NBEA: variants seen among roughly 807,000 people sequenced by gnomAD.
NBEA encodes the protein lysosomal-trafficking regulator 2.
In NBEA, 44 loss-of-function variants were observed where a neutral mutation model predicts 343.4. The ratio of observed to expected loss-of-function variants is 0.13; its 90% CI spans 0.10 to 0.16. The LOEUF is 0.16. Ranked by LOEUF, NBEA falls within the 10% of genes least tolerant of loss-of-function variation. The probability of loss-of-function intolerance (pLI) is 1.00; values close to 1 mark genes in which losing one functional copy is unlikely to be tolerated. For synonymous variants in NBEA, 1,175 were observed against 1,238.7 expected (o/e 0.95, Z 1.08); for missense variants, 2,555 against 3,631.3 (o/e 0.70, Z 7.62).
At position 35,431,774 on chromosome 13, in the gene NBEA, A is replaced by G. The variant is rs192870328; in HGVS notation, c.6180-495A>G. ...ATGAATATTTCAGCACATTATTTTA[A>G]TCATTTTTCCACCAAATCCAAGTGG... On this transcript the variant is annotated intron_variant, in intron 38 of 58. Coordinates refer to ENST00000379939, the MANE Select transcript of NBEA (RefSeq NM_001385012.1). Among the ~76,000 whole-genome samples the G allele has an allele frequency of 2.6e-5, 4 of 152,272 alleles. No individual in the cohort carries two copies. The East Asian group carries it at 7.7e-4, about 29-fold the overall frequency.
At chr13:34,999,225 A>C (rs7321833) in intron 1 of NBEA, among the ~76,000 whole-genome samples, 11,709 of 152,216 alleles carry the variant, frequency 0.077, 545 homozygotes, top group African/African-American at 0.11. Context: ...GTGGGTATAT[A>C]ATATGGGGAA....
chr13:35,441,437 A>G (rs1238595917), intron 39 of NBEA, among the ~76,000 whole-genome samples: 1 of 152,216 alleles, frequency 6.6e-6, no homozygotes, highest in Admixed American at 6.5e-5. Context: ...GGCATAATGT[A>G]ATTAAAATAC....
chr13:35,556,530 G>A (rs1051557323), intron 44 of NBEA, among the ~76,000 whole-genome samples: 1 of 151,492 alleles, frequency 6.6e-6, no homozygotes, highest in African/African-American at 2.4e-5. Context: ...ATGTCCTCTT[G>A]CTTTTTATAT....
intron 39 of NBEA, among the ~76,000 whole-genome samples, chr13:35,450,060 T>G (rs188015680): frequency 3.9e-4 from 60 of 152,262 alleles, no homozygotes; most frequent in Non-Finnish European, 7.5e-4. Context: ...TTTTCATATT[T>G]TAGCAAACAG....
At chr13:35,486,958 TGAG>T (rs1196501647) in intron 41 of NBEA, among the ~76,000 whole-genome samples, 3 of 151,968 alleles carry the variant, frequency 2.0e-5, no homozygotes, top group African/African-American at 7.2e-5. Flanking sequence ...ATAAATGTGA[TGAG>T]GAGAAGCAAT....
chr13:35,454,435 G>GT (rs2046456504), intron 40 of NBEA, among the ~76,000 whole-genome samples: 1 of 152,138 alleles, frequency 6.6e-6, no homozygotes, highest in Non-Finnish European at 1.5e-5. Flanking sequence ...CCAAATCATG[G>GT]TTATCTCTGT....
At chr13:34,951,822 C>T (rs1402455954) in intron 1 of NBEA, among the ~76,000 whole-genome samples, 1 of 152,142 alleles carries the variant, frequency 6.6e-6, no homozygotes, top group East Asian at 1.9e-4. Flanking sequence ...ATAGTAACTC[C>T]CTCTGGGAGT....
At chr13:34,974,374 G>A (rs1048039644) in intron 1 of NBEA, among the ~76,000 whole-genome samples, 2 of 152,022 alleles carry the variant, frequency 1.3e-5, no homozygotes, top group African/African-American at 2.4e-5. Flanking sequence ...TTACCTGGAC[G>A]TTTCACAATG....
At chr13:35,324,894 C>A (rs1284783928) in intron 36 of NBEA, among the ~76,000 whole-genome samples, 1 of 152,026 alleles carries the variant, frequency 6.6e-6, no homozygotes, top group Non-Finnish European at 1.5e-5. Flanking sequence ...AAAAAATCAT[C>A]CCTGGCTTTT....
chr13:35,471,336 G>A (rs1248528251), intron 40 of NBEA, among the ~76,000 whole-genome samples: 1 of 152,200 alleles, frequency 6.6e-6, no homozygotes, highest in South Asian at 2.1e-4. Flanking sequence ...CCGAGGCCTA[G>A]CGGCCGCGGG....
At chr13:35,412,404 T>A (rs2043641461) in intron 38 of NBEA, among the ~76,000 whole-genome samples, 1 of 152,180 alleles carries the variant, frequency 6.6e-6, no homozygotes, top group Admixed American at 6.6e-5. Context: ...TATATATACT[T>A]ATACATTCAC....
chr13:35,453,432 G>T (rs775444297), intron 40 of NBEA, among the ~76,000 whole-genome samples: 11 of 152,096 alleles, frequency 7.2e-5, no homozygotes, highest in South Asian at 2.1e-4. Flanking sequence ...TTTTGCTTTC[G>T]TTGTTTTTGT....
At chr13:35,124,430 G>A (rs1289693286) in intron 17 of NBEA, among the ~76,000 whole-genome samples, 2 of 150,238 alleles carry the variant, frequency 1.3e-5, no homozygotes, top group Non-Finnish European at 3.0e-5. Flanking sequence ...GATATACTAT[G>A]GATATGGATA....
intron 41 of NBEA, among the ~76,000 whole-genome samples, chr13:35,532,462 T>C (rs74044725): frequency 0.011 from 1,672 of 152,238 alleles, 24 homozygotes; most frequent in African/African-American, 0.038. Context: ...GCATTAAATA[T>C]GCTAGTAATA....
chr13:35,404,972 G>A (rs1401093919), intron 38 of NBEA, among the ~76,000 whole-genome samples: 5 of 152,090 alleles, frequency 3.3e-5, no homozygotes, highest in African/African-American at 1.2e-4. Context: ...ACAGTCAGAA[G>A]GGAGTAAAGA....
At chr13:35,259,475 T>C (rs1048454066) in intron 34 of NBEA, among the ~76,000 whole-genome samples, 1 of 152,166 alleles carries the variant, frequency 6.6e-6, no homozygotes, top group Non-Finnish European at 1.5e-5. Flanking sequence ...ACTAACACTT[T>C]AAAAATATTT....
chr13:35,181,778 C>G (rs927428166), intron 28 of NBEA, among the ~76,000 whole-genome samples: 1 of 151,622 alleles, frequency 6.6e-6, no homozygotes, highest in Non-Finnish European at 1.5e-5. Context: ...CCTGTTTATA[C>G]GATCAAAGAT....
At chr13:35,014,229 C>G (rs1419132026) in intron 1 of NBEA, among the ~76,000 whole-genome samples, 1 of 152,002 alleles carries the variant, frequency 6.6e-6, no homozygotes, top group East Asian at 1.9e-4. Context: ...TTTTTTATTT[C>G]TCTCAAACAA....
chr13:35,435,141 G>C (rs1353078898), intron 39 of NBEA, among the ~76,000 whole-genome samples: 2 of 152,072 alleles, frequency 1.3e-5, no homozygotes, highest in Non-Finnish European at 2.9e-5. Context: ...CGATTCTTCT[G>C]CTGGGATTAC....
Sources: gnomAD v4.1 joint callset for allele counts (sites outside exome capture counted in the v4.1 genomes callset) on GRCh38, gnomAD v4.1.1 for gene constraint, MANE v1.5 for transcripts, NCBI Gene and HGNC (gene_info 2026-07-23, HGNC 2026-07-21) for gene names.